Variants in SPAST observed in about 807,000 individuals in gnomAD.
SPAST encodes the protein spastic paraplegia 4 (autosomal dominant; spastin).
SPAST carries 30 observed loss-of-function variants against 76.6 expected under a neutral mutation model. The observed-to-expected ratio is 0.39, with a 90% confidence interval of 0.29 to 0.53. The LOEUF (loss-of-function observed/expected upper bound fraction) is 0.53, where lower values mean the gene tolerates loss of function less well. Among genes scored for constraint, SPAST ranks in the 20% least tolerant of loss-of-function variants. The pLI is 0.68. For synonymous variants in SPAST, 305 were observed against 281.0 expected, an observed-to-expected ratio of 1.09 and a Z score of -0.86; for missense variants, 717 against 770.5, an observed-to-expected ratio of 0.93 and a Z score of 0.82.
intron 16 of SPAST, among the ~76,000 whole-genome samples, chr2:32,153,506 G>A (rs1178863604): frequency 6.6e-6 from 1 of 151,182 alleles, no homozygotes; most frequent in African/African-American, 2.4e-5. Flanking sequence ...AGTGGAGACG[G>A]GGTTTCACCA....
intron 4 of SPAST, among the ~76,000 whole-genome samples, chr2:32,099,281 A>G (rs1164500085): frequency 1.3e-5 from 2 of 152,010 alleles, no homozygotes; most frequent in African/African-American, 4.8e-5. Flanking sequence ...ATCAATTTTT[A>G]TTGCATATCA....
At chr2:32,128,598 A>G (rs987513312) in intron 9 of SPAST, 119 bp downstream of exon 9, 25 of 717,106 alleles carry the variant, frequency 3.5e-5, no homozygotes, top group Non-Finnish European at 5.5e-5. Flanking sequence ...TATTGTATCT[A>G]TTATTTACAT....
chr2:32,081,156 A>G (rs1030234217), intron 1 of SPAST, among the ~76,000 whole-genome samples: 1 of 151,410 alleles, frequency 6.6e-6, no homozygotes, highest in African/African-American at 2.4e-5. Context: ...ATGGGGTTTC[A>G]CCATCTTGGC....
chr2:32,116,272 A>G, intron 7 of SPAST, 60 bp downstream of exon 7: 1 of 1,010,704 alleles, frequency 9.9e-7, no homozygotes, highest in Admixed American at 1.7e-5. Flanking sequence ...CCATAGTAGT[A>G]GTAGTAGTAA....
intron 7 of SPAST, among the ~76,000 whole-genome samples, chr2:32,117,531 C>CTTTTT (rs11431890): frequency 7.8e-6 from 1 of 127,574 alleles, no homozygotes; most frequent in African/African-American, 2.9e-5. Flanking sequence ...TAGAATAATT[C>CTTTTT]TTTTTTTTTT....
In SPAST at chr2:32,143,390, C is replaced by A; in HGVS notation, c.1591C>A (p.Gln531Lys). The A allele has an allele frequency of 1.2e-6, 2 of 1,608,772 alleles. No individual in the cohort carries two copies. The highest frequency in any genetic ancestry group is 1.7e-6 in the Non-Finnish European group (2 of 1,175,810). The change falls in exon 14 of 17, where the codon CAA becomes AAA. Residue 531 changes from glutamine (Q) to lysine (K), a missense_variant. Around this residue, in one of 3 missense-constraint regions of SPAST, gnomAD observed 96 missense variants for 127.6 expected, o/e 0.75. Transcript: ENST00000315285. ...ATGTAAACAAGGAAGTCCATTGACC[C>A]AAAAAGAACTAGCACAACTTGCTAG... ...LLCKQGSPLT[Q>K]KELAQLARMT... is the part of the protein sequence containing the mutation.
At chr2:32,092,988 CAGAG>C (rs1677780234) in intron 3 of SPAST, among the ~76,000 whole-genome samples, 3 of 132,086 alleles carry the variant, frequency 2.3e-5, no homozygotes, top group Non-Finnish European at 4.7e-5. Context: ...GACTGGGTGA[CAGAG>C]AGAGACTCCG....
chr2:32,127,642 C>T (rs1298250799), intron 8 of SPAST: 1 of 151,104 alleles, frequency 6.6e-6, no homozygotes, highest in Non-Finnish European at 1.5e-5. Context: ...TTTAAGTAAT[C>T]AGTATGTTAT....
chr2:32,087,694 C>CT (rs770566493), intron 2 of SPAST, 116 bp downstream of exon 2: 10,533 of 185,522 alleles, frequency 0.057, 98 homozygotes, highest in South Asian at 0.11. Context: ...CTTTTCTTTT[C>CT]TTTTTTTTTT....
chr2:32,073,883 T>C (rs1390356603), intron 1 of SPAST, among the ~76,000 whole-genome samples: 1 of 152,206 alleles, frequency 6.6e-6, no homozygotes, highest in Non-Finnish European at 1.5e-5. Flanking sequence ...TTCTGTAGAC[T>C]TGCTGTACTT....
chr2:32,095,572 TAAA>T (rs35757220), intron 3 of SPAST, among the ~76,000 whole-genome samples: 1 of 141,478 alleles, frequency 7.1e-6, no homozygotes, highest in African/African-American at 2.6e-5. Context: ...TGTCTAAATT[TAAA>T]AAAAAAAAAA....
intron 10 of SPAST, 91 bp from the exon 11 acceptor site, chr2:32,136,786 C>T (rs1156780936): frequency 8.3e-7 from 1 of 1,207,236 alleles, no homozygotes; most frequent in Non-Finnish European, 1.2e-6. Context: ...TAGTAGGACC[C>T]ACTATATTAA....
At chr2:32,122,963 A>C (rs182216942) in intron 7 of SPAST, among the ~76,000 whole-genome samples, 4 of 152,198 alleles carry the variant, frequency 2.6e-5, no homozygotes, top group Admixed American at 2.6e-4. Flanking sequence ...CTGGAATTTG[A>C]AATTAAAACA....
At chr2:32,149,169 A>C (rs535116081) in intron 16 of SPAST, among the ~76,000 whole-genome samples, 71 of 151,486 alleles carry the variant, frequency 4.7e-4, no homozygotes, top group African/African-American at 1.6e-3. Context: ...GGCTCACTGC[A>C]GCCTCCACCT....
intron 4 of SPAST, among the ~76,000 whole-genome samples, chr2:32,103,891 G>C (rs1678218802): frequency 6.6e-6 from 1 of 152,192 alleles, no homozygotes; most frequent in Non-Finnish European, 1.5e-5. Flanking sequence ...TTCCAACTAT[G>C]TGGTCAATTT....
chr2:32,128,244 C>T, intron 8 of SPAST, 164 bp from the exon 9 acceptor site: 1 of 590,800 alleles, frequency 1.7e-6, no homozygotes, highest in East Asian at 3.0e-5. Flanking sequence ...ATGCGCCTGC[C>T]TCGGCCTCCG....
chr2:32,066,984 A>AC (rs1676542216), intron 1 of SPAST, among the ~76,000 whole-genome samples: 2 of 58,334 alleles, frequency 3.4e-5, no homozygotes, highest in African/African-American at 1.1e-4. Flanking sequence ...AAAAAAAAAA[A>AC]AAAAAAAACC....
At chr2:32,143,182 T>A (rs1184367654) in intron 13 of SPAST, among the ~76,000 whole-genome samples, 154 bp from the exon 14 acceptor site, 1 of 152,042 alleles carries the variant, frequency 6.6e-6, no homozygotes, top group Non-Finnish European at 1.5e-5. Context: ...ATGGGAGGAT[T>A]GCTTGAACCC....
At chr2:32,112,053 A>T (rs1438867658) in intron 4 of SPAST, among the ~76,000 whole-genome samples, 1 of 150,204 alleles carries the variant, frequency 6.7e-6, no homozygotes, top group Non-Finnish European at 1.5e-5. Flanking sequence ...CCCGGGTTCA[A>T]GTGATTCTCC....
Sources: allele counts gnomAD v4.1 joint callset (sites outside exome capture counted in the v4.1 genomes callset), GRCh38; gene constraint gnomAD v4.1.1; regional missense constraint gnomAD v4.1.1; transcripts MANE v1.5; gene names NCBI Gene and HGNC (gene_info 2026-07-23, HGNC 2026-07-21).